The following XKR9 variants were observed in gnomAD, a reference collection of about 807,000 sequenced individuals.
XKR9 encodes XK-related protein 9.
A neutral mutation model predicts 32.0 loss-of-function variants in XKR9; 32 were observed. That is an observed-to-expected ratio of 1.00 (90% CI 0.76 to 1.34). The LOEUF (loss-of-function observed/expected upper bound fraction) is 1.34, where lower values mean the gene tolerates loss of function less well. XKR9 is among the 40% of genes most tolerant of loss of function. XKR9 has a pLI of 0.00. For synonymous variants in XKR9, 168 were observed against 143.4 expected, an observed-to-expected ratio of 1.17 and a Z score of -1.22; for missense variants, 546 against 429.7, an observed-to-expected ratio of 1.27 and a Z score of -2.39.
chr8:70,802,149 G>T, the XKR9 span, among the ~76,000 whole-genome samples: 1 of 151,728 alleles, frequency 6.6e-6, no homozygotes, highest in Non-Finnish European at 1.5e-5. Flanking sequence ...TGTTATCCAG[G>T]ATGGTCTTGA....
chr8:70,707,118 T>G lies in XKR9; in HGVS notation c.458T>G (p.Ile153Ser). 2 of 1,613,348 alleles carry G rather than the reference T, an allele frequency of 1.2e-6. No homozygotes were observed. Among genetic ancestry groups the G allele is most frequent in the South Asian group, 2.2e-5 (2 of 91,034 alleles). Residue 153 changes from isoleucine to serine, a missense_variant, in exon 4 of 5, where the codon ATT (isoleucine) becomes AGT (serine). Coordinates refer to ENST00000408926, the MANE Select transcript of XKR9 (RefSeq NM_001011720.2). ...CCACAACTTATTCTTCAACTCTACA[T>G]TCTTCTGGAGCATGGACAAGCGAAT... ...GCPQLILQLYILLEHGQANFS... is the reference protein window; with the variant it reads ...GCPQLILQLYSLLEHGQANFS...
chr8:70,788,412 T>C (rs566238624), intron 2 of XKR9, among the ~76,000 whole-genome samples: 22 of 152,132 alleles, frequency 1.4e-4, no homozygotes, highest in Non-Finnish European at 2.6e-4. Context: ...CAAGTATGGT[T>C]GCTACCGTTG....
At chr8:71,059,591 A>C in the XKR9 span, among the ~76,000 whole-genome samples, 2 of 152,230 alleles carry the variant, frequency 1.3e-5, no homozygotes, top group Non-Finnish European at 2.9e-5. Flanking sequence ...AGATGTTTCC[A>C]GAAACTTGAA....
chr8:71,035,787 T>C, the XKR9 span, among the ~76,000 whole-genome samples: 1 of 152,168 alleles, frequency 6.6e-6, no homozygotes, highest in Non-Finnish European at 1.5e-5. Context: ...AAGATCTCTC[T>C]GACCTTCTCC....
rs1806834766 is a variant in XKR9 at position 70,735,470 on chromosome 8, A to G, written c.*1046A>G. On this transcript the variant is annotated 3_prime_UTR_variant, in exon 5 of 5. Transcript: ENST00000408926. The stretch of plus-strand genomic sequence containing the variant: ...AATTTTTTAATTTTATATTATTATT[A>G]TTATTATTATACTTTAAGGTTTAGG... 1 of 150,274 alleles carries G rather than the reference A, an allele frequency of 6.7e-6. No homozygotes were observed. The highest frequency in any genetic ancestry group is 2.4e-5 in the African/African-American group (1 of 41,050). 9.3% of individuals were successfully genotyped at this position (150,274 alleles called of 1,614,324 possible). A position where few individuals can be genotyped will look rare whatever the true frequency, so the allele number is the denominator to read the frequency against.
At chr8:70,928,236 G>T in the XKR9 span, among the ~76,000 whole-genome samples, 1 of 151,974 alleles carries the variant, frequency 6.6e-6, no homozygotes, top group Admixed American at 6.6e-5. Context: ...GTAGAGATGG[G>T]GTCTTGCTCT....
the XKR9 span, among the ~76,000 whole-genome samples, chr8:70,904,444 C>CT: frequency 0.14 from 20,485 of 151,726 alleles, 1,855 homozygotes; most frequent in African/African-American, 0.26. Flanking sequence ...ACAAACCCTG[C>CT]TTTTTTTTGC....
chr8:70,863,186 G>T, the XKR9 span, among the ~76,000 whole-genome samples: 19 of 152,164 alleles, frequency 1.2e-4, no homozygotes, highest in Admixed American at 2.6e-4. Flanking sequence ...TCAGGCCATG[G>T]CTTCTGGTGT....
At chr8:70,908,546 G>C in the XKR9 span, among the ~76,000 whole-genome samples, 2 of 152,160 alleles carry the variant, frequency 1.3e-5, no homozygotes, top group Non-Finnish European at 1.5e-5. Flanking sequence ...ATCAGGAGTT[G>C]GCAACTTTTC....
At chr8:70,714,638 A>T (rs1806030550) in intron 4 of XKR9, among the ~76,000 whole-genome samples, 1 of 152,110 alleles carries the variant, frequency 6.6e-6, no homozygotes, top group Non-Finnish European at 1.5e-5. Context: ...GAAAACCTCT[A>T]TCAATTTCTT....
the XKR9 span, among the ~76,000 whole-genome samples, chr8:70,880,827 A>C: frequency 1.5e-4 from 23 of 152,182 alleles, no homozygotes; most frequent in Admixed American, 3.3e-4. Flanking sequence ...AATCCTAAGC[A>C]AAAAGAACAA....
the XKR9 span, among the ~76,000 whole-genome samples, chr8:70,834,530 C>T: frequency 6.6e-6 from 1 of 152,044 alleles, no homozygotes; most frequent in Admixed American, 6.6e-5. Context: ...TTGTGCCAAT[C>T]ACATTTGATG....
At chr8:70,873,812 A>G in the XKR9 span, among the ~76,000 whole-genome samples, 1 of 152,260 alleles carries the variant, frequency 6.6e-6, no homozygotes, top group Non-Finnish European at 1.5e-5. Context: ...TTTTGAAAGA[A>G]GTTCTATTGT....
chr8:71,061,904 C>T, the XKR9 span, among the ~76,000 whole-genome samples: 6 of 152,178 alleles, frequency 3.9e-5, no homozygotes, highest in East Asian at 1.9e-4. Flanking sequence ...TTATAGTCAT[C>T]GCTCTGTGAC....
At chr8:70,831,333 A>C in the XKR9 span, among the ~76,000 whole-genome samples, 1 of 152,164 alleles carries the variant, frequency 6.6e-6, no homozygotes, top group Non-Finnish European at 1.5e-5. Context: ...TTGAGTTTTA[A>C]AATTTCAAAT....
the XKR9 span, among the ~76,000 whole-genome samples, chr8:70,858,963 A>G: frequency 3.3e-5 from 5 of 152,258 alleles, no homozygotes; most frequent in African/African-American, 1.2e-4. Flanking sequence ...TTTTTGTGTA[A>G]GACCTCAAAA....
intron 2 of XKR9, among the ~76,000 whole-genome samples, chr8:70,777,606 T>C (rs529518158): frequency 1.3e-5 from 2 of 152,326 alleles, no homozygotes; most frequent in East Asian, 3.9e-4. Context: ...CTCCACCTCC[T>C]CTCCAGCATC....
the XKR9 span, among the ~76,000 whole-genome samples, chr8:70,850,451 A>T: frequency 7.1e-6 from 1 of 140,430 alleles, no homozygotes; most frequent in Non-Finnish European, 1.5e-5. Context: ...GTGACACAGC[A>T]AGACTCCTTC....
At chr8:70,809,390 C>T in the XKR9 span, among the ~76,000 whole-genome samples, 1 of 152,214 alleles carries the variant, frequency 6.6e-6, no homozygotes, top group African/African-American at 2.4e-5. Flanking sequence ...CAGAATGCCT[C>T]TCCTCCTCCA....
Sources: gnomAD v4.1 joint callset for allele counts (sites outside exome capture counted in the v4.1 genomes callset) on GRCh38, gnomAD v4.1.1 for gene constraint, MANE v1.5 for transcripts, NCBI Gene and HGNC (gene_info 2026-07-23, HGNC 2026-07-21) for gene names.